Variants in ANO10 observed in about 807,000 individuals in gnomAD.
The protein encoded by ANO10 is anoctamin 10.
A neutral mutation model predicts 74.7 loss-of-function variants in ANO10; 77 were observed. That is an observed-to-expected ratio of 1.03 (90% CI 0.86 to 1.25). The LOEUF is 1.25. ANO10 is among the 50% of genes most tolerant of loss of function. ANO10 has a pLI of 0.00. For missense variants in ANO10, 721 were observed against 778.1 expected (o/e 0.93, Z 0.87); for synonymous variants, 279 against 284.9 (o/e 0.98, Z 0.21).
intron 11 of ANO10, among the ~76,000 whole-genome samples, chr3:43,529,332 A>G (rs771360028): frequency 2.4e-4 from 37 of 152,234 alleles, no homozygotes; most frequent in African/African-American, 8.9e-4. Flanking sequence ...TATGGAACTT[A>G]TGTTCAAGAA....
intron 12 of ANO10, among the ~76,000 whole-genome samples, chr3:43,380,787 AAAAC>A (rs1204200972): frequency 6.6e-6 from 1 of 152,192 alleles, no homozygotes; most frequent in African/African-American, 2.4e-5. Context: ...CACAATGAAA[AAAAC>A]AAGGCATTCA....
chr3:43,690,996 G>A (rs372312565), intron 1 of ANO10: 14 of 1,572,804 alleles, frequency 8.9e-6, no homozygotes, highest in African/African-American at 7.1e-5. Flanking sequence ...GGCGGCTATG[G>A]CGGCGGAGGA....
At chr3:43,370,286 A>G (rs1575584373) in intron 12 of ANO10, among the ~76,000 whole-genome samples, 1 of 152,232 alleles carries the variant, frequency 6.6e-6, no homozygotes, top group Non-Finnish European at 1.5e-5. Context: ...ACCTGGTTAA[A>G]TGCAGGCCCT....
At chr3:43,589,899 CCAAAATGGTATG>C (rs1403255839) in intron 4 of ANO10, among the ~76,000 whole-genome samples, 2 of 152,032 alleles carry the variant, frequency 1.3e-5, no homozygotes, top group African/African-American at 4.8e-5. Flanking sequence ...AAAGCAAGGT[CCAAAATGGTATG>C]CACAATATAC....
intron 11 of ANO10, among the ~76,000 whole-genome samples, chr3:43,547,025 G>A (rs905058153): frequency 1.3e-5 from 2 of 151,804 alleles, no homozygotes; most frequent in African/African-American, 4.8e-5. Context: ...AAGATACAGG[G>A]AAAAAAATCT....
At chr3:43,685,993 A>T (rs1477022006) in intron 1 of ANO10, among the ~76,000 whole-genome samples, 1 of 152,168 alleles carries the variant, frequency 6.6e-6, no homozygotes, top group Non-Finnish European at 1.5e-5. Flanking sequence ...CCACTGAAGA[A>T]GGTCTTTTAT....
At chr3:43,428,820 T>TAAAAAAAAAAAAAAA (rs2092938769) in intron 12 of ANO10, among the ~76,000 whole-genome samples, 2 of 15,584 alleles carry the variant, frequency 1.3e-4, no homozygotes, top group Non-Finnish European at 5.1e-4. Context: ...AAAAAAAAAG[T>TAAAAAAAAAAAAAAA]CATTGAAGCA....
intron 6 of ANO10, among the ~76,000 whole-genome samples, chr3:43,575,737 A>G (rs1033865547): frequency 3.9e-5 from 6 of 151,990 alleles, no homozygotes; most frequent in Admixed American, 6.6e-5. Flanking sequence ...TCCTGGATTC[A>G]AGTGATTCTC....
At chr3:43,552,718 ATATATATATATG>A (rs1266225250) in intron 10 of ANO10, among the ~76,000 whole-genome samples, 1,748 of 132,952 alleles carry the variant, frequency 0.013, 23 homozygotes, top group African/African-American at 0.041. Context: ...ATATATATAT[ATATATATATATG>A]TATGTATGTA....
chr3:43,417,171 T>G (rs1264816428), intron 12 of ANO10, among the ~76,000 whole-genome samples: 9 of 152,208 alleles, frequency 5.9e-5, no homozygotes, highest in Non-Finnish European at 1.3e-4. Flanking sequence ...AAAGTCCAGC[T>G]GCAGACACAG....
intron 12 of ANO10, among the ~76,000 whole-genome samples, chr3:43,386,068 G>A (rs968818893): frequency 6.6e-6 from 1 of 152,198 alleles, no homozygotes; most frequent in East Asian, 1.9e-4. Flanking sequence ...GACAAGGGGG[G>A]AATAAACTGT....
chr3:43,679,216 C>T (rs929619474), intron 1 of ANO10, among the ~76,000 whole-genome samples: 3 of 152,182 alleles, frequency 2.0e-5, no homozygotes, highest in African/African-American at 7.2e-5. Context: ...ACAGATGGCA[C>T]CTGAAAAATC....
chr3:43,487,205 C>T (rs985085313), intron 11 of ANO10, among the ~76,000 whole-genome samples: 14 of 151,202 alleles, frequency 9.3e-5, no homozygotes, highest in African/African-American at 3.2e-4. Flanking sequence ...ATTCGTTTTG[C>T]CAGTATTTTA....
rs75103657 is a variant in ANO10, at chr3:43,607,697, T to C, written c.-11-1834A>G. 7.6e-3 allele frequency among the ~76,000 whole-genome samples: 1,152 copies of C among 152,080 alleles called. 16 individuals are homozygous for C. The highest frequency in any genetic ancestry group is 0.025 in the African/African-American group (1,040 of 41,506). ...GAAAATGAAAAATAGTAACAAGCAA[T>C]AGAAACAAACACATAATAGATCCAA... On this transcript the variant is annotated intron_variant, in intron 1 of 12. Coordinates refer to ENST00000292246, the MANE Select transcript of ANO10 (RefSeq NM_018075.5).
intron 1 of ANO10, among the ~76,000 whole-genome samples, chr3:43,669,525 T>C (rs955518770): frequency 6.6e-6 from 1 of 152,158 alleles, no homozygotes; most frequent in Non-Finnish European, 1.5e-5. Context: ...TCTGGTTAAG[T>C]TGTGATTTTC....
intron 7 of ANO10, among the ~76,000 whole-genome samples, chr3:43,568,529 T>A (rs1345849375): frequency 2.2e-4 from 32 of 148,674 alleles, no homozygotes; most frequent in African/African-American, 7.9e-4. Context: ...GGATTAAGAA[T>A]CTCACTCAAA....
At chr3:43,498,336 C>T (rs977696875) in intron 11 of ANO10, among the ~76,000 whole-genome samples, 3 of 152,134 alleles carry the variant, frequency 2.0e-5, no homozygotes, top group African/African-American at 4.8e-5. Context: ...TGGTACTCAG[C>T]GGGCAAGCCA....
intron 1 of ANO10, chr3:43,691,144 C>A: frequency 1.7e-6 from 2 of 1,157,164 alleles, no homozygotes. Flanking sequence ...GCCCGCCTGG[C>A]GACGACGGGC....
intron 12 of ANO10, among the ~76,000 whole-genome samples, chr3:43,404,414 C>T (rs1332986362): frequency 6.6e-6 from 1 of 152,206 alleles, no homozygotes; most frequent in Non-Finnish European, 1.5e-5. Flanking sequence ...TGCAGTTCAG[C>T]CTCTGATAAG....
Sources: allele counts gnomAD v4.1 joint callset (sites outside exome capture counted in the v4.1 genomes callset), GRCh38; gene constraint gnomAD v4.1.1; transcripts MANE v1.5; gene names NCBI Gene and HGNC (gene_info 2026-07-23, HGNC 2026-07-21).